Variants in DMGDH observed in about 807,000 individuals in gnomAD.
DMGDH encodes dimethylglycine dehydrogenase.
In DMGDH, 76 loss-of-function variants were observed where a neutral mutation model predicts 95.2. That is an observed-to-expected ratio of 0.80 (90% CI 0.66 to 0.97). The LOEUF (loss-of-function observed/expected upper bound fraction) is 0.97, where lower values mean the gene tolerates loss of function less well. DMGDH is among the 50% of genes least tolerant of loss of function. The pLI, the probability that DMGDH is intolerant of heterozygous loss-of-function variation, is 0.00. For synonymous variants in DMGDH, 345 were observed against 377.6 expected (o/e 0.91, Z 1.00); for missense variants, 987 against 1,055.0 (o/e 0.94, Z 0.89).
At chr5:78,998,326 C>CA in intron 15 of DMGDH, 29 bp from the exon 16 acceptor site, 1 of 1,592,982 alleles carries the variant, frequency 6.3e-7, no homozygotes, top group Non-Finnish European at 8.6e-7. Context: ...CAGTCCTCAG[C>CA]ATCTTGGTCA....
At chr5:79,046,200 T>C (rs1014964121) in intron 5 of DMGDH, among the ~76,000 whole-genome samples, 1 of 152,104 alleles carries the variant, frequency 6.6e-6, no homozygotes, top group African/African-American at 2.4e-5. Flanking sequence ...CATTCTCCTG[T>C]CTCAGCCTCC....
intron 5 of DMGDH, among the ~76,000 whole-genome samples, chr5:79,050,260 AAAAAAAAAAAAAAATAT>A (rs1417807882): frequency 4.6e-4 from 27 of 58,974 alleles, no homozygotes; most frequent in African/African-American, 1.5e-3. Context: ...AAAAAAAAAA[AAAAAAAAAAAAAAATAT>A]ATATATATAT....
chr5:79,009,256 T>C (rs1679046593), intron 14 of DMGDH, among the ~76,000 whole-genome samples: 1 of 152,028 alleles, frequency 6.6e-6, no homozygotes, highest in South Asian at 2.1e-4. Flanking sequence ...TTTTCAGTAA[T>C]TTCATCCTCA....
intron 7 of DMGDH, among the ~76,000 whole-genome samples, chr5:79,040,553 T>C (rs1476063979): frequency 6.6e-6 from 1 of 152,200 alleles, no homozygotes; most frequent in African/African-American, 2.4e-5. Flanking sequence ...GATTAGACAA[T>C]GGTTACTTGT....
At chr5:79,022,632 T>A (rs1753896695) in intron 14 of DMGDH, among the ~76,000 whole-genome samples, 1 of 152,198 alleles carries the variant, frequency 6.6e-6, no homozygotes, top group Non-Finnish European at 1.5e-5. Context: ...AAATCAAAAT[T>A]AGTATCTTCT....
intron 4 of DMGDH, among the ~76,000 whole-genome samples, chr5:79,051,793 TAATA>T (rs1352401466): frequency 6.6e-6 from 1 of 151,838 alleles, no homozygotes; most frequent in Admixed American, 6.6e-5. Context: ...TTAATACTGT[TAATA>T]AATTCACATT....
At chr5:79,018,883 C>G (rs1352882708) in intron 14 of DMGDH, among the ~76,000 whole-genome samples, 1 of 152,070 alleles carries the variant, frequency 6.6e-6, no homozygotes, top group African/African-American at 2.4e-5. Context: ...TTTAATGTAT[C>G]CTGACAGGTG....
chr5:79,026,571 A>C lies in DMGDH; in HGVS notation c.2043T>G (p.Gly681=). 6.2e-7 allele frequency: 1 copy of C among 1,614,000 alleles called. No homozygotes were observed. Among genetic ancestry groups the C allele is most frequent in the Non-Finnish European group, 8.5e-7 (1 of 1,179,970 alleles). Residue 681 remains glycine (G), a synonymous_variant, in exon 13 of 16, where the codon GGT becomes GGG. Transcript: ENST00000255189. ...CTTCTCTTCTGTGATACAGCTCCCA[A>C]CCCAGCTCACCTGAAATAAACCCAC... ...AIRISYTGEL[G]WELYHRREDS... is the part of the protein sequence containing the mutation.
chr5:79,020,109 T>C (rs572056156), intron 14 of DMGDH, among the ~76,000 whole-genome samples: 10 of 152,312 alleles, frequency 6.6e-5, no homozygotes, highest in Admixed American at 4.6e-4. Context: ...TTCAGGATAA[T>C]ATGTTCAGCC....
intron 14 of DMGDH, 145 bp from the exon 15 acceptor site, chr5:79,005,552 A>C: frequency 8.6e-7 from 1 of 1,163,982 alleles, no homozygotes; most frequent in South Asian, 1.4e-5. Flanking sequence ...TGTCTAGACA[A>C]ATATTTCTTA....
chr5:79,061,610 C>T (rs1158390675), intron 2 of DMGDH, among the ~76,000 whole-genome samples: 1 of 152,120 alleles, frequency 6.6e-6, no homozygotes, highest in African/African-American at 2.4e-5. Context: ...TTCAAGGAAT[C>T]CCGTAACCTC....
intron 7 of DMGDH, among the ~76,000 whole-genome samples, chr5:79,035,347 A>G (rs1445260756): frequency 6.6e-6 from 1 of 152,180 alleles, no homozygotes; most frequent in Non-Finnish European, 1.5e-5. Flanking sequence ...AGTGCCTCCC[A>G]TTTACCAGGC....
chr5:79,056,950 A>T (rs1321631663), intron 2 of DMGDH, among the ~76,000 whole-genome samples: 1 of 152,208 alleles, frequency 6.6e-6, no homozygotes, highest in Non-Finnish European at 1.5e-5. Flanking sequence ...AGGACCATGG[A>T]CTAGCACAGG....
intron 3 of DMGDH, 146 bp from the exon 4 acceptor site, chr5:79,054,494 T>C: frequency 1.1e-6 from 1 of 893,498 alleles, no homozygotes; most frequent in Non-Finnish European, 1.7e-6. Flanking sequence ...TTGCATCTTA[T>C]TAAAAGACAC....
chr5:79,031,785 T>C (rs1224033032), intron 9 of DMGDH, among the ~76,000 whole-genome samples: 3 of 152,198 alleles, frequency 2.0e-5, no homozygotes, highest in African/African-American at 7.2e-5. Context: ...AGTTTAATTA[T>C]TAAATGGTAG....
chr5:79,004,016 C>G (rs1169488267), intron 15 of DMGDH, among the ~76,000 whole-genome samples: 1 of 151,806 alleles, frequency 6.6e-6, no homozygotes, highest in Admixed American at 6.6e-5. Flanking sequence ...TCAACAGAGA[C>G]AGAAAAGAGA....
chr5:79,059,334 A>G (rs1363118084), intron 2 of DMGDH, among the ~76,000 whole-genome samples: 1 of 152,174 alleles, frequency 6.6e-6, no homozygotes, highest in Non-Finnish European at 1.5e-5. Context: ...TGCAGAAGAC[A>G]CCGCTCAGTG....
At chr5:79,012,683 T>C (rs62377920) in intron 14 of DMGDH, among the ~76,000 whole-genome samples, 7,649 of 152,368 alleles carry the variant, frequency 0.05, 236 homozygotes, top group South Asian at 0.12. Context: ...TCTTGCACTT[T>C]GTGCACCCAC....
intron 10 of DMGDH, 94 bp from the exon 11 acceptor site, chr5:79,030,128 T>C (rs2112625551): frequency 9.2e-7 from 1 of 1,088,596 alleles, no homozygotes; most frequent in East Asian, 2.5e-5. Context: ...GTGTTAAGAA[T>C]GAAAAGTATC....
Sources: allele counts gnomAD v4.1 joint callset (sites outside exome capture counted in the v4.1 genomes callset), GRCh38; gene constraint gnomAD v4.1.1; transcripts MANE v1.5; gene names NCBI Gene and HGNC (gene_info 2026-07-23, HGNC 2026-07-21).